DNAI7: variants seen among roughly 807,000 people sequenced by gnomAD.
The protein encoded by DNAI7 is cancer susceptibility 1.
DNAI7 carries 78 observed loss-of-function variants against 86.6 expected under a neutral mutation model. That is an observed-to-expected ratio of 0.90 (90% CI 0.75 to 1.09). DNAI7 has a LOEUF of 1.09. DNAI7 is among the 50% of genes least tolerant of loss of function. The pLI is 0.00. For synonymous variants in DNAI7, 274 were observed against 273.0 expected, an observed-to-expected ratio of 1.00 and a Z score of -0.04; for missense variants, 753 against 810.2, an observed-to-expected ratio of 0.93 and a Z score of 0.86.
chr12:25,108,288 A>G (rs1039108671), downstream of DNAI7: 2 of 559,446 alleles, frequency 3.6e-6, no homozygotes, highest in African/African-American at 3.8e-5. Flanking sequence ...GAAATATTAT[A>G]TATTGTTTGT....
chr12:25,176,586 TGAGA>T (rs1385343328), intron 2 of DNAI7, among the ~76,000 whole-genome samples: 2 of 151,916 alleles, frequency 1.3e-5, no homozygotes, highest in East Asian at 3.8e-4. Flanking sequence ...TATAAATATG[TGAGA>T]GAGAAACCTG....
intron 12 of DNAI7, among the ~76,000 whole-genome samples, chr12:25,115,557 G>A (rs994930619): frequency 6.6e-6 from 1 of 151,990 alleles, no homozygotes; most frequent in Non-Finnish European, 1.5e-5. Flanking sequence ...GATATGAAAG[G>A]CTAATAAGTA....
chr12:25,110,407 A>C lies in DNAI7; in HGVS notation c.1780-167T>G, dbSNP rs145077440. ...CTGGGCAATGGCTTTCCTTTCTCTG[A>C]GAATAGAGTCCATAGTTAACAAACG... On this transcript the variant is annotated intron_variant, in intron 14 of 15. Transcript: ENST00000395987. Among the ~76,000 whole-genome samples, 650 of 152,250 alleles carry C rather than the reference A, an allele frequency of 4.3e-3. 1 individual carries two copies. Among genetic ancestry groups the C allele is most frequent in the African/African-American group, 0.015 (608 of 41,568 alleles).
At position 25,144,475 on chromosome 12, in the gene DNAI7, T is replaced by C. The variant is rs754977539; in HGVS notation, c.892A>G (p.Ile298Val). 1.9e-6 allele frequency: 3 copies of C among 1,614,188 alleles called. No individual in the cohort carries two copies. The highest frequency in any genetic ancestry group is 2.5e-6 in the Non-Finnish European group (3 of 1,180,016). Residue 298 changes from isoleucine to valine, a missense_variant, in exon 9 of 16, where the codon ATC (isoleucine) becomes GTC (valine). Ile to Val is a conservative substitution (Grantham distance 29, BLOSUM62 3). Transcript: ENST00000395987. ...GACTCTTCTTCGACCTCCTTGCTGA[T>C]TGCTTTTTCTACATTCTTAACATCA... is the stretch of plus-strand genomic sequence containing the variant. ...KDDVKNVEKA[I>V]SKEVEEESKQ...
chr12:25,149,605 T>C (rs1945258356), intron 7 of DNAI7, 23 bp downstream of exon 7: 4 of 1,549,782 alleles, frequency 2.6e-6, no homozygotes, highest in African/African-American at 2.8e-5. Flanking sequence ...AAACTTAATA[T>C]ATAAGCAAAA....
In DNAI7 at chr12:25,149,778, T is replaced by C. The variant is rs370089069; in HGVS notation, c.439-4A>G. 113 of 1,465,744 alleles carry C rather than the reference T, an allele frequency of 7.7e-5. No individual in the cohort carries two copies. Among genetic ancestry groups the C allele is most frequent in the Non-Finnish European group, 9.5e-5 (100 of 1,054,660 alleles). The allele number at this position is 1,465,744 out of a possible 1,614,324, so 90.8% of individuals were successfully genotyped here. On this transcript the variant is annotated splice_region_variant and splice_polypyrimidine_tract_variant and intron_variant, in intron 6 of 15. Transcript: ENST00000395987. ...TAAATTTCAATTTCTCAATTAACTGTAAAGTAAAAGAATATTTGCATTAAT... is the reference window on the plus strand; with the variant it reads ...TAAATTTCAATTTCTCAATTAACTGCAAAGTAAAAGAATATTTGCATTAAT...
At chr12:25,110,076 TTATC>T in intron 15 of DNAI7, 47 bp downstream of exon 15, 1 of 901,396 alleles carries the variant, frequency 1.1e-6, no homozygotes, top group Non-Finnish European at 1.8e-6. Flanking sequence ...TTTGAGTACT[TTATC>T]TTCTTTTGGA....
chr12:25,139,544 G>C (rs1398933099), intron 9 of DNAI7, among the ~76,000 whole-genome samples: 1 of 152,160 alleles, frequency 6.6e-6, no homozygotes, highest in Non-Finnish European at 1.5e-5. Context: ...CCTATCCTTT[G>C]CAGGGGACAT....
At chr12:25,121,632 A>G (rs760679099) in intron 11 of DNAI7, 121 bp downstream of exon 11, 21 of 759,764 alleles carry the variant, frequency 2.8e-5, no homozygotes, top group Non-Finnish European at 3.9e-5. Context: ...ACAGTTTAAA[A>G]TTACATTTTT....
Position 25,149,700 on chromosome 12 carries a change from G to C in DNAI7, c.513C>G (p.Tyr171Ter). ...CCTGCAGTTGTAGTATTGATTCTTG[G>C]TACTGTATTATATTTTTATCTTGCA... ...CDLQDKNIIQ[Y>*]QESILQLQEL... is the part of the protein sequence containing the mutation. Residue 171 changes from tyrosine to a stop codon, truncating the protein, a stop_gained, in exon 7 of 16, where the codon TAC becomes TAG. Transcript: ENST00000395987. LOFTEE classifies it high-confidence loss of function. 1 of 1,586,988 alleles carries C rather than the reference G, an allele frequency of 6.3e-7. No homozygotes were observed. Among genetic ancestry groups the C allele is most frequent in the Non-Finnish European group, 8.6e-7 (1 of 1,157,108 alleles).
At chr12:25,149,547 T>C (rs10842485) in intron 7 of DNAI7, 81 bp downstream of exon 7, 850,713 of 1,073,502 alleles carry the variant, frequency 0.79, 345,581 homozygotes, top group East Asian at 1. Context: ...CATTTTTCAA[T>C]TTAAAAAATA....
intron 1 of DNAI7, among the ~76,000 whole-genome samples, chr12:25,193,086 C>A (rs948925137): frequency 2.0e-5 from 3 of 150,650 alleles, no homozygotes; most frequent in Non-Finnish European, 4.4e-5. Context: ...GCTGAGACTT[C>A]GATAAGCCAT....
chr12:25,133,402 T>G (rs1048173256), intron 9 of DNAI7, among the ~76,000 whole-genome samples: 1 of 152,328 alleles, frequency 6.6e-6, no homozygotes, highest in South Asian at 2.1e-4. Flanking sequence ...AATCTAGTGA[T>G]TTTTGCTCCC....
intron 2 of DNAI7, among the ~76,000 whole-genome samples, chr12:25,167,117 T>C (rs988081876): frequency 1.3e-5 from 2 of 152,138 alleles, no homozygotes. Flanking sequence ...ACACATTTGG[T>C]CTATTGATGG....
chr12:25,170,624 A>G (rs1948037049), intron 2 of DNAI7, among the ~76,000 whole-genome samples: 1 of 152,184 alleles, frequency 6.6e-6, no homozygotes, highest in African/African-American at 2.4e-5. Context: ...CTTGGAAGAA[A>G]TGGACTTAAC....
At chr12:25,112,445 C>T (rs370218433) in intron 13 of DNAI7, among the ~76,000 whole-genome samples, 13 of 124,768 alleles carry the variant, frequency 1.0e-4, no homozygotes, top group South Asian at 5.3e-4. Flanking sequence ...CTCCCTCTGT[C>T]GCCCAGGCTG....
At chr12:25,156,496 T>G (rs2140981490) in intron 4 of DNAI7, among the ~76,000 whole-genome samples, 1 of 152,350 alleles carries the variant, frequency 6.6e-6, no homozygotes, top group Admixed American at 6.5e-5. Context: ...GGCTCACATC[T>G]GTAATCTCAG....
chr12:25,144,341 T>C (rs761455908), intron 9 of DNAI7, 24 bp downstream of exon 9: 1 of 1,568,614 alleles, frequency 6.4e-7, no homozygotes, highest in Non-Finnish European at 8.7e-7. Flanking sequence ...AATAAAAAAA[T>C]GTGTATATTT....
intron 2 of DNAI7, among the ~76,000 whole-genome samples, chr12:25,165,612 C>T (rs959476639): frequency 2.0e-5 from 3 of 152,240 alleles, no homozygotes; most frequent in African/African-American, 4.8e-5. Flanking sequence ...CTCAGCTTAG[C>T]GGCTGAAGAC....
Sources: gnomAD v4.1 joint callset for allele counts (sites outside exome capture counted in the v4.1 genomes callset) on GRCh38, gnomAD v4.1.1 for gene constraint, MANE v1.5 for transcripts, NCBI Gene and HGNC (gene_info 2026-07-23, HGNC 2026-07-21) for gene names.